Variants in PTPRO observed in about 807,000 individuals in gnomAD.
The protein encoded by PTPRO is receptor-type tyrosine-protein phosphatase O.
A neutral mutation model predicts 145.2 loss-of-function variants in PTPRO; 62 were observed. The ratio of observed to expected loss-of-function variants is 0.43; its 90% CI spans 0.35 to 0.53. The LOEUF is 0.53. Among genes scored for constraint, PTPRO ranks in the 20% least tolerant of loss-of-function variants. The pLI, the probability that PTPRO is intolerant of heterozygous loss-of-function variation, is 0.01. For missense variants in PTPRO, 1,345 were observed against 1,482.7 expected, an observed-to-expected ratio of 0.91 and a Z score of 1.53; for synonymous variants, 565 against 514.7, an observed-to-expected ratio of 1.10 and a Z score of -1.32.
chr12:15,480,681 T>A (rs1941758786), intron 1 of PTPRO, among the ~76,000 whole-genome samples: 1 of 152,194 alleles, frequency 6.6e-6, no homozygotes, highest in Admixed American at 6.5e-5. Flanking sequence ...TATCTCACAC[T>A]GACTGAAGCA....
chr12:15,459,420 T>C (rs1027486744), intron 1 of PTPRO, among the ~76,000 whole-genome samples: 1 of 152,216 alleles, frequency 6.6e-6, no homozygotes, highest in African/African-American at 2.4e-5. Context: ...ACACATAATG[T>C]AGTTCTTTCC....
intron 1 of PTPRO, among the ~76,000 whole-genome samples, chr12:15,380,858 C>T (rs1475786345): frequency 6.6e-6 from 1 of 152,100 alleles, no homozygotes; most frequent in African/African-American, 2.4e-5. Flanking sequence ...GTTTCAATCA[C>T]TGGTCTTAGA....
chr12:15,358,882 A>C (rs971915982), intron 1 of PTPRO, among the ~76,000 whole-genome samples: 1 of 152,244 alleles, frequency 6.6e-6, no homozygotes, highest in Non-Finnish European at 1.5e-5. Context: ...AAGGATTCTA[A>C]GCACAGTGTA....
chr12:15,356,565 T>A (rs1289458059), intron 1 of PTPRO, among the ~76,000 whole-genome samples: 1 of 152,194 alleles, frequency 6.6e-6, no homozygotes, highest in Non-Finnish European at 1.5e-5. Context: ...GGAGCAGCAC[T>A]TCATTATTTG....
At chr12:15,548,107 A>T (rs1943343955) in intron 13 of PTPRO, among the ~76,000 whole-genome samples, 1 of 152,232 alleles carries the variant, frequency 6.6e-6, no homozygotes. Flanking sequence ...GCTACAAGTC[A>T]AAAAAGGTAA....
At chr12:15,557,585 C>A in intron 16 of PTPRO, 62 bp downstream of exon 16, 4 of 1,456,422 alleles carry the variant, frequency 2.7e-6, no homozygotes, top group South Asian at 2.3e-5. Context: ...GCTCCAAAGT[C>A]GATTTTACTA....
At chr12:15,482,444 G>A (rs1015488126) in intron 1 of PTPRO, among the ~76,000 whole-genome samples, 4 of 152,170 alleles carry the variant, frequency 2.6e-5, no homozygotes, top group Admixed American at 6.5e-5. Context: ...GGAGGAATAC[G>A]TTCTAATGCT....
At chr12:15,482,017 A>G (rs1353574983) in intron 1 of PTPRO, among the ~76,000 whole-genome samples, 1 of 152,180 alleles carries the variant, frequency 6.6e-6, no homozygotes, top group East Asian at 1.9e-4. Context: ...TATCTATCCA[A>G]AGGAAAGGAA....
chr12:15,330,061 A>G (rs562153975), intron 1 of PTPRO, among the ~76,000 whole-genome samples: 1 of 152,216 alleles, frequency 6.6e-6, no homozygotes, highest in Non-Finnish European at 1.5e-5. Flanking sequence ...GCCAGAAAGA[A>G]GGATCTCTGT....
In PTPRO at chr12:15,561,890, G is replaced by A. The variant is rs375264637; in HGVS notation, c.2711+1614G>A. 3.3e-5 allele frequency among the ~76,000 whole-genome samples: 5 copies of A among 152,218 alleles called. No individual in the cohort carries two copies. The East Asian group carries it at 5.8e-4, about 18-fold the overall frequency. On this transcript the variant is annotated intron_variant, in intron 17 of 26. Coordinates refer to ENST00000281171, the MANE Select transcript of PTPRO (RefSeq NM_030667.3). ...TTAAGCTTCTGTAAGGTAGGCCTGT[G>A]CAAGTAAGCATGTATTCCTTAATAG...
intron 23 of PTPRO, among the ~76,000 whole-genome samples, chr12:15,584,203 T>A (rs1425852348): frequency 6.6e-6 from 1 of 152,216 alleles, no homozygotes; most frequent in Non-Finnish European, 1.5e-5. Flanking sequence ...GTGGAATGAA[T>A]AAATCAGTGA....
intron 18 of PTPRO, among the ~76,000 whole-genome samples, chr12:15,566,384 C>T (rs965518997): frequency 2.6e-5 from 4 of 152,224 alleles, no homozygotes; most frequent in Admixed American, 1.3e-4. Context: ...ATGAGTAATC[C>T]ATGACATAAT....
intron 5 of PTPRO, 73 bp downstream of exon 5, chr12:15,502,136 A>G (rs1481870639): frequency 3.5e-6 from 5 of 1,424,960 alleles, no homozygotes; most frequent in Non-Finnish European, 4.9e-6. Context: ...TTTAAATTTG[A>G]GTTTAGAAAG....
chr12:15,405,507 T>A (rs147752491), intron 1 of PTPRO, among the ~76,000 whole-genome samples: 1 of 152,224 alleles, frequency 6.6e-6, no homozygotes, highest in Non-Finnish European at 1.5e-5. Context: ...TAGTTCCATA[T>A]GCCTTTGGTT....
At chr12:15,403,820 G>GACAC (rs147880268) in intron 1 of PTPRO, among the ~76,000 whole-genome samples, 10 of 151,132 alleles carry the variant, frequency 6.6e-5, no homozygotes, top group African/African-American at 1.9e-4. Context: ...ACATAGAATA[G>GACAC]ACACACACAC....
At position 15,580,826 on chromosome 12, in the gene PTPRO, A is replaced by C; in HGVS notation, c.3127A>C (p.Arg1043=). ...IVMLTQCNEK[R]RVKCDHYWPF... ...CATGCTCACTCAGTGTAATGAGAAA[A>C]GGAGGGTACGTACTTACTGAAACTG... Residue 1043 remains arginine (R), a synonymous_variant, in exon 22 of 27, where the codon AGG becomes CGG. Transcript: ENST00000281171. 1 of 1,613,924 alleles carries C rather than the reference A, an allele frequency of 6.2e-7. No homozygotes were observed. Among genetic ancestry groups the C allele is most frequent in the Non-Finnish European group, 8.5e-7 (1 of 1,179,830 alleles).
In PTPRO at chr12:15,590,371, T is replaced by A. The variant is rs562574370; in HGVS notation, c.3546+781T>A. Among the ~76,000 whole-genome samples, 29 of 152,320 alleles carry A rather than the reference T, an allele frequency of 1.9e-4. 1 individual carries two copies. Among genetic ancestry groups the A allele is most frequent in the Middle Eastern group, 3.4e-3 (1 of 294 alleles). On this transcript the variant is annotated intron_variant, in intron 25 of 26. Transcript: ENST00000281171. ...GTTCATAAGCCTCATCACCCAGCCATACTCGCGACTTCTTAGCTTCGGTCT... is the reference window on the plus strand; with the variant it reads ...GTTCATAAGCCTCATCACCCAGCCAAACTCGCGACTTCTTAGCTTCGGTCT...
rs1558787 is a variant in PTPRO at position 15,595,086 on chromosome 12, C to G, written c.*16+29C>G. The G allele has an allele frequency of 2.1e-5, 30 of 1,419,706 alleles. No homozygotes were observed. Among genetic ancestry groups the G allele is most frequent in the Non-Finnish European group, 2.7e-5 (27 of 1,006,212 alleles). The allele number at this position is 1,419,706 out of a possible 1,614,324, so 87.9% of individuals were successfully genotyped here. On this transcript the variant is annotated intron_variant, in intron 26 of 26. Coordinates refer to ENST00000281171, the MANE Select transcript of PTPRO (RefSeq NM_030667.3). Reference sequence around the variant, plus strand: ...AGTGGAGAAGAGCTCTCCACGAGTGCTCAGTCTTAGAACTATTAGAGGGGG... The same window carrying G: ...AGTGGAGAAGAGCTCTCCACGAGTGGTCAGTCTTAGAACTATTAGAGGGGG...
At chr12:15,442,010 T>C (rs988629668) in intron 1 of PTPRO, among the ~76,000 whole-genome samples, 6 of 152,086 alleles carry the variant, frequency 3.9e-5, no homozygotes, top group African/African-American at 1.4e-4. Flanking sequence ...AAAGCCAGCA[T>C]CAGGCCAATA....
Sources: gnomAD v4.1 joint callset for allele counts (sites outside exome capture counted in the v4.1 genomes callset) on GRCh38, gnomAD v4.1.1 for gene constraint, MANE v1.5 for transcripts, NCBI Gene and HGNC (gene_info 2026-07-23, HGNC 2026-07-21) for gene names.